The following SLC35F4 variants were observed in gnomAD, a reference collection of about 807,000 sequenced individuals.
SLC35F4 encodes chromosome 14 open reading frame 36.
Under a neutral mutation model 44.2 loss-of-function variants are expected in SLC35F4, and 24 were observed. The ratio of observed to expected loss-of-function variants is 0.54; its 90% confidence interval spans 0.39 to 0.76. The LOEUF (loss-of-function observed/expected upper bound fraction) is 0.76, where lower values mean the gene tolerates loss of function less well. SLC35F4 is among the 30% of genes least tolerant of loss of function. SLC35F4 has a pLI of 0.00. For synonymous variants in SLC35F4, 238 were observed against 223.6 expected (o/e 1.06, Z -0.57); for missense variants, 562 against 586.1 (o/e 0.96, Z 0.42).
chr14:57,933,874 A>C (rs1889746610), intron 1 of SLC35F4, among the ~76,000 whole-genome samples: 1 of 152,216 alleles, frequency 6.6e-6, no homozygotes. Context: ...GGAGCAAAAA[A>C]AAGTCTTGAC....
At chr14:57,581,030 G>C (rs2069213566) in intron 4 of SLC35F4, 184 bp downstream of exon 4, 3 of 483,226 alleles carry the variant, frequency 6.2e-6, no homozygotes, top group Non-Finnish European at 1.0e-5. Context: ...GAAACAAACT[G>C]TTTATCCTTC....
downstream of SLC35F4, among the ~76,000 whole-genome samples, chr14:57,976,465 C>G (rs1425280096): frequency 6.6e-6 from 1 of 152,128 alleles, no homozygotes; most frequent in African/African-American, 2.4e-5. Context: ...GGTGGATGCC[C>G]CTGAAACTGT....
At chr14:57,872,391 G>A (rs1888311861) in intron 1 of SLC35F4, among the ~76,000 whole-genome samples, 1 of 151,682 alleles carries the variant, frequency 6.6e-6, no homozygotes, top group South Asian at 2.1e-4. Flanking sequence ...GACAGAAAGA[G>A]CATACATTTC....
chr14:57,703,305 T>G (rs1356424526), intron 1 of SLC35F4, among the ~76,000 whole-genome samples: 1 of 152,174 alleles, frequency 6.6e-6, no homozygotes, highest in Non-Finnish European at 1.5e-5. Context: ...ATACAGTAGG[T>G]GGCAAATTAA....
At chr14:57,717,487 T>A (rs922819567) in intron 1 of SLC35F4, among the ~76,000 whole-genome samples, 2 of 152,048 alleles carry the variant, frequency 1.3e-5, no homozygotes, top group African/African-American at 2.4e-5. Context: ...ATACAAAAAA[T>A]TAGCCAGGCG....
rs238401 is a variant in SLC35F4 at position 57,613,966 on chromosome 14, T to G, written c.104-19842A>C. Reference sequence around the variant, plus strand: ...ATTATAACCCCTGGACTGGTGCCTTTTCACCTAGAAGGCTCTCAAAAAATA... The same window carrying G: ...ATTATAACCCCTGGACTGGTGCCTTGTCACCTAGAAGGCTCTCAAAAAATA... On this transcript the variant is annotated intron_variant, in intron 1 of 7. Coordinates refer to ENST00000556826, the MANE Select transcript of SLC35F4 (RefSeq NM_001306087.2). Among the ~76,000 whole-genome samples the G allele has an allele frequency of 8.9e-3, 1,351 of 152,364 alleles. 6 individuals carry two copies. Among genetic ancestry groups the G allele is most frequent in the Non-Finnish European group, 0.014 (960 of 68,028 alleles).
chr14:57,963,654 C>T (rs891147961), intron 1 of SLC35F4, among the ~76,000 whole-genome samples: 2 of 151,216 alleles, frequency 1.3e-5, no homozygotes, highest in Middle Eastern at 6.9e-3. Context: ...AGACAGACGA[C>T]CCAGGACTCA....
At chr14:57,614,132 A>G (rs1009203702) in intron 1 of SLC35F4, among the ~76,000 whole-genome samples, 2 of 152,320 alleles carry the variant, frequency 1.3e-5, no homozygotes, top group East Asian at 3.9e-4. Flanking sequence ...ATTGGTGCTA[A>G]CATCCCATTA....
chr14:57,651,994 AC>A (rs1437296776), intron 1 of SLC35F4, among the ~76,000 whole-genome samples: 1 of 152,048 alleles, frequency 6.6e-6, no homozygotes, highest in Non-Finnish European at 1.5e-5. Flanking sequence ...AAAAGGACTG[AC>A]CCACTGGATC....
At chr14:57,762,542 C>T (rs2077148825) in intron 1 of SLC35F4, among the ~76,000 whole-genome samples, 1 of 151,952 alleles carries the variant, frequency 6.6e-6, no homozygotes, top group Admixed American at 6.6e-5. Context: ...TTTGAGTGTC[C>T]CCATCAAAAC....
At chr14:57,806,885 C>T (rs1023142722) in intron 1 of SLC35F4, among the ~76,000 whole-genome samples, 1 of 152,166 alleles carries the variant, frequency 6.6e-6, no homozygotes, top group African/African-American at 2.4e-5. Flanking sequence ...AAAGCTACTT[C>T]CTACTTGGCT....
intron 1 of SLC35F4, among the ~76,000 whole-genome samples, chr14:57,637,082 C>T (rs946545301): frequency 6.6e-6 from 1 of 152,054 alleles, no homozygotes; most frequent in Non-Finnish European, 1.5e-5. Flanking sequence ...AGAAGCTTTG[C>T]ATACGTTATG....
chr14:57,746,836 T>G (rs2076767532), intron 1 of SLC35F4, among the ~76,000 whole-genome samples: 1 of 152,106 alleles, frequency 6.6e-6, no homozygotes, highest in Non-Finnish European at 1.5e-5. Flanking sequence ...AGAAAATATG[T>G]TTTTTAAACG....
At chr14:57,945,550 T>C (rs935722360) in intron 1 of SLC35F4, among the ~76,000 whole-genome samples, 2 of 151,442 alleles carry the variant, frequency 1.3e-5, no homozygotes, top group Admixed American at 6.6e-5. Flanking sequence ...TTCCATATTT[T>C]TGCAGTTGCA....
chr14:57,792,419 A>G (rs1034058757), intron 1 of SLC35F4, among the ~76,000 whole-genome samples: 2 of 152,222 alleles, frequency 1.3e-5, no homozygotes, highest in African/African-American at 2.4e-5. Flanking sequence ...GTATCTACCC[A>G]GAGGAAAATA....
intron 1 of SLC35F4, among the ~76,000 whole-genome samples, chr14:57,775,983 T>C (rs2077478843): frequency 6.6e-6 from 1 of 152,142 alleles, no homozygotes; most frequent in Non-Finnish European, 1.5e-5. Context: ...CTGAAAAACA[T>C]GCTACAAGAA....
intron 1 of SLC35F4, among the ~76,000 whole-genome samples, chr14:57,928,751 C>T (rs1183487974): frequency 6.6e-6 from 1 of 152,118 alleles, no homozygotes; most frequent in African/African-American, 2.4e-5. Flanking sequence ...GACAGAGATG[C>T]TAGAATTACC....
intron 1 of SLC35F4, among the ~76,000 whole-genome samples, chr14:57,851,517 G>A (rs1886561838): frequency 6.6e-6 from 1 of 152,144 alleles, no homozygotes; most frequent in African/African-American, 2.4e-5. Context: ...ATGCAATTAT[G>A]ATGTCAAGTC....
intron 1 of SLC35F4, among the ~76,000 whole-genome samples, chr14:57,745,621 T>C (rs1201072253): frequency 2.6e-5 from 4 of 152,092 alleles, no homozygotes; most frequent in Non-Finnish European, 5.9e-5. Context: ...TAGGAACACT[T>C]TTACACTGTT....
Sources: gnomAD v4.1 joint callset for allele counts (sites outside exome capture counted in the v4.1 genomes callset) on GRCh38, gnomAD v4.1.1 for gene constraint, MANE v1.5 for transcripts, NCBI Gene and HGNC (gene_info 2026-07-23, HGNC 2026-07-21) for gene names.